Variants in CLUH observed in about 807,000 individuals in gnomAD.
CLUH encodes CLUH binding protein of NUMT mRNA, also known as clustered mitochondria protein homolog.
CLUH carries 77 observed loss-of-function variants against 139.3 expected under a neutral mutation model. That is an observed-to-expected ratio of 0.55 (90% confidence interval 0.46 to 0.67). The LOEUF (loss-of-function observed/expected upper bound fraction) is 0.67. Among genes scored for constraint, CLUH ranks in the 30% least tolerant of loss-of-function variants. CLUH has a pLI of 0.00. For missense variants in CLUH, 1,876 were observed against 1,875.8 expected (o/e 1.00, Z 0.00); for synonymous variants, 999 against 801.6 (o/e 1.25, Z -4.16).
At chr17:2,691,586 C>G in intron 25 of CLUH, 23 bp downstream of exon 25, 3 of 1,608,382 alleles carry the variant, frequency 1.9e-6, no homozygotes, top group South Asian at 1.1e-5. Flanking sequence ...CCGGGAGACA[C>G]TCGAGTGGGG....
At position 2,690,541 on chromosome 17, in the gene CLUH, G is replaced by C. The variant is rs911328104; in HGVS notation, c.*53C>G. Reference sequence around the variant, plus strand: ...CGCAGGCTCGCCCCCTTCTCCCGCAGTCGGGCTCCCTGGTGACGGGGCCGC... The same window carrying C: ...CGCAGGCTCGCCCCCTTCTCCCGCACTCGGGCTCCCTGGTGACGGGGCCGC... On this transcript the variant is annotated 3_prime_UTR_variant, in exon 26 of 26. Transcript: ENST00000651024. 5 of 1,385,638 alleles carry C rather than the reference G, an allele frequency of 3.6e-6. No individual in the cohort carries two copies. The highest frequency in any genetic ancestry group is 1.5e-5 in the African/African-American group (1 of 66,450). The allele number at this position is 1,385,638 out of a possible 1,614,324, so 85.8% of individuals were successfully genotyped here.
Position 2,694,910 on chromosome 17 carries a change from G to C in CLUH, c.2799C>G (p.Leu933=), listed in dbSNP as rs1432076451. 3.2e-6 allele frequency: 5 copies of C among 1,581,110 alleles called. No individual in the cohort carries two copies. In the African/African-American group the frequency reaches 6.8e-5, roughly 21 times the overall value. Residue 933 remains leucine, a synonymous_variant, in exon 16 of 26, where the codon CTC becomes CTG. Transcript: ENST00000651024. ...TGGCCTCCTGGCAGATGTTCTTCCA[G>C]AGCTCCTGGGGGGTCATGACAGCCC... The part of the protein sequence containing the change: ...TAWAVMTPQE[L]WKNICQEAKN...
intron 22 of CLUH, 45 bp from the exon 23 acceptor site, chr17:2,692,142 C>G: frequency 6.5e-7 from 1 of 1,545,452 alleles, no homozygotes; most frequent in Non-Finnish European, 8.8e-7. Flanking sequence ...CATAAGTGGG[C>G]TGGGTGTGGG....
In CLUH at chr17:2,694,104, G is replaced by A. The variant is rs750121392; in HGVS notation, c.3091+19C>T. On this transcript the variant is annotated intron_variant, in intron 18 of 25. Transcript: ENST00000651024. ...CATGGGGAACCCCCACCTCCACCCA[G>A]CCCCACCTGGCCACACACCCTGCTG... 24 of 1,613,854 alleles carry A rather than the reference G, an allele frequency of 1.5e-5. No individual in the cohort carries two copies. The South Asian group carries it at 2.3e-4, about 16-fold the overall frequency.
At position 2,698,517 on chromosome 17, in the gene CLUH, T is replaced by C; in HGVS notation, c.1340A>G (p.Asn447Ser). The change falls in exon 10 of 26, where the codon AAC (asparagine) becomes AGC (serine). Residue 447 changes from asparagine to serine, a missense_variant. Physicochemically the swap from Asn to Ser is conservative, Grantham distance 46. Coordinates refer to ENST00000651024, the MANE Select transcript of CLUH (RefSeq NM_001366661.1). ...AVIDGNVMAI[N>S]PSEETKMQMF... The stretch of plus-strand genomic sequence containing the variant: ...CTGCATCTTGGTCTCCTCGCTGGGG[T>C]TGATGGCCATCACGTTGCCGTCAAT... 1.2e-6 allele frequency: 2 copies of C among 1,612,768 alleles called. No individual in the cohort carries two copies. The highest frequency in any genetic ancestry group is 1.7e-6 in the Non-Finnish European group (2 of 1,179,658).
Position 2,703,770 on chromosome 17 carries a change from C to G in CLUH, c.304-281G>C, listed in dbSNP as rs2070260575. 1.3e-5 allele frequency among the ~76,000 whole-genome samples: 2 copies of G among 152,078 alleles called. No individual in the cohort carries two copies. The highest frequency in any genetic ancestry group is 4.2e-4 in the South Asian group (2 of 4,816). On this transcript the variant is annotated intron_variant, in intron 2 of 25. Transcript: ENST00000651024. The surrounding 1 kb of genome is among the most constrained non-coding windows in gnomAD (Gnocchi z 4.2). Reference sequence around the variant, plus strand: ...CTCGGCCTGCAGACCCAGAGCAATGCCCGAGCAGAGAAGGGAGATGAAGAA... The same window carrying G: ...CTCGGCCTGCAGACCCAGAGCAATGGCCGAGCAGAGAAGGGAGATGAAGAA...
At chr17:2,708,866 G>T (rs931139708) in intron 1 of CLUH, among the ~76,000 whole-genome samples, 80 of 80,168 alleles carry the variant, frequency 1.0e-3, no homozygotes, top group Admixed American at 1.3e-3. Context: ...TACTCGGGGG[G>T]GGGGGAGCAG....
Position 2,691,990 on chromosome 17 carries a change from C to T in CLUH, c.3654+14G>A, listed in dbSNP as rs1409751697. The T allele has an allele frequency of 1.5e-5, 20 of 1,353,724 alleles. 1 individual carries two copies. In the Admixed American group the frequency reaches 2.1e-4, roughly 14 times the overall value. The allele number at this position is 1,353,724 out of a possible 1,614,324, so 83.9% of individuals were successfully genotyped here. A position where few individuals can be genotyped will look rare whatever the true frequency, so the allele number is the denominator to read the frequency against. Reference sequence around the variant, plus strand: ...CCGCCCCGCCCCCGCCCCCGCCACGCCCCCGCCGCGCACCTGCGTCTTGTA... The same window carrying T: ...CCGCCCCGCCCCCGCCCCCGCCACGTCCCCGCCGCGCACCTGCGTCTTGTA... On this transcript the variant is annotated intron_variant, in intron 23 of 25. Transcript: ENST00000651024.
intron 10 of CLUH, among the ~76,000 whole-genome samples, chr17:2,697,680 C>G (rs537880802): frequency 2.6e-4 from 39 of 152,338 alleles, no homozygotes; most frequent in Non-Finnish European, 5.4e-4. Context: ...AGCCACATTA[C>G]CCGCCTGGCT....
At chr17:2,700,927 C>T in intron 7 of CLUH, 102 bp from the exon 8 acceptor site, 1 of 1,448,234 alleles carries the variant, frequency 6.9e-7, no homozygotes, top group South Asian at 1.4e-5. Context: ...CATCTCCCAC[C>T]CTGAGACACT....
chr17:2,695,360 C>A lies in CLUH; in HGVS notation c.2544+14G>T. ...CCACAGCTCCCGTTCCGCCCCACCC[C>A]GGGCAGCACTCACAAAGACGTGGTC... is the stretch of plus-strand genomic sequence containing the variant. On this transcript the variant is annotated intron_variant, in intron 14 of 25. Coordinates refer to ENST00000651024, the MANE Select transcript of CLUH (RefSeq NM_001366661.1). 1 of 1,613,018 alleles carries A rather than the reference C, an allele frequency of 6.2e-7. No individual in the cohort carries two copies. Among genetic ancestry groups the A allele is most frequent in the Non-Finnish European group, 8.5e-7 (1 of 1,179,680 alleles).
intron 19 of CLUH, 133 bp from the exon 20 acceptor site, chr17:2,692,993 C>G: frequency 1.3e-6 from 1 of 789,818 alleles, no homozygotes; most frequent in Non-Finnish European, 1.9e-6. Context: ...CAGCACAGTG[C>G]AGCAGGGGGG....
At position 2,691,962 on chromosome 17, in the gene CLUH, CCCCCGCCCCGCCCCCG is replaced by C. The variant is rs1567575853; in HGVS notation, c.3654+26_3654+41del. 4.5e-6 allele frequency: 3 copies of C among 672,592 alleles called. No homozygotes were observed. The South Asian group carries it at 9.0e-5, about 20-fold the overall frequency. The allele number at this position is 672,592 out of a possible 1,614,324, so 41.7% of individuals were successfully genotyped here. On this transcript the variant is annotated intron_variant, in intron 23 of 25. Transcript: ENST00000651024. The stretch of plus-strand genomic sequence containing the variant: ...GCGGCCCCGCCCCCGCCCCGCCACG[CCCCCGCCCCGCCCCCG>C]CCCCCGCCACGCCCCCGCCGCGCAC...
chr17:2,696,337 C>T (rs752376412), intron 12 of CLUH, 78 bp from the exon 13 acceptor site: 2 of 1,504,024 alleles, frequency 1.3e-6, no homozygotes, highest in South Asian at 1.2e-5. Context: ...GGGAAGCGCT[C>T]AGATGGGGGA....
At chr17:2,700,291 T>C in intron 9 of CLUH, 91 bp downstream of exon 9, 1 of 1,250,988 alleles carries the variant, frequency 8.0e-7, no homozygotes, top group Non-Finnish European at 1.1e-6. Flanking sequence ...GGGCTGCCCC[T>C]GCCTCCCTTG....
In CLUH at chr17:2,692,408, G is replaced by C. The variant is rs377102362; in HGVS notation, c.3513C>G (p.Ala1171=). 6.3e-7 allele frequency: 1 copy of C among 1,598,100 alleles called. No homozygotes were observed. Residue 1171 remains alanine, a synonymous_variant, in exon 22 of 26, where the codon GCC becomes GCG. Transcript: ENST00000651024. ...LSLRFLENAL[A]VSTKYHGPKA... ...TGGGCCCGTGGTACTTGGTGCTGAC[G>C]GCCAGCGCGTTCTCCAGGAAGCGCA...
Position 2,700,759 on chromosome 17 carries a change from C to G in CLUH, c.1092G>C (p.Gln364His), listed in dbSNP as rs1188920901. The G allele has an allele frequency of 1.9e-6, 3 of 1,546,508 alleles. No individual in the cohort carries two copies. Among genetic ancestry groups the G allele is most frequent in the Non-Finnish European group, 2.6e-6 (3 of 1,151,666 alleles). ...GCACGCAATCCATGGCATGCTCCGC[C>G]TGGGGGGCTGTCCAGCTGTACACCT... The part of the protein sequence containing the change: ...PFQVYSWTAP[Q>H]AEHAMDCVRA... Residue 364 changes from glutamine (Q) to histidine (H), a missense_variant, in exon 8 of 26, where the codon CAG becomes CAC. Gln to His is a conservative substitution (Grantham distance 24). This residue lies in a region of CLUH where 1,454 missense variants were observed against 1,384.4 expected (regional missense o/e 1.05). Transcript: ENST00000651024.
At chr17:2,697,410 A>C (rs1253348408) in intron 10 of CLUH, among the ~76,000 whole-genome samples, 1 of 151,972 alleles carries the variant, frequency 6.6e-6, no homozygotes, top group Admixed American at 6.6e-5. Context: ...AGAAAAAAAA[A>C]AAAAAAGGCA....
chr17:2,695,336 C>T (rs769532036), intron 14 of CLUH, 38 bp downstream of exon 14: 1 of 1,613,302 alleles, frequency 6.2e-7, no homozygotes, highest in East Asian at 2.2e-5. Flanking sequence ...ATCCCAGTCC[C>T]ACAGCTCCCG....
Sources: allele counts gnomAD v4.1 joint callset (sites outside exome capture counted in the v4.1 genomes callset), GRCh38; gene constraint gnomAD v4.1.1; regional missense constraint gnomAD v4.1.1; non-coding constraint Gnocchi (gnomAD v3.1); transcripts MANE v1.5; gene names NCBI Gene and HGNC (gene_info 2026-07-23, HGNC 2026-07-21).